Variants in ATP8A1 observed in about 807,000 individuals in gnomAD.
The protein encoded by ATP8A1 is ATPase phospholipid transporting 8A1.
In ATP8A1, 90 loss-of-function variants were observed where a neutral mutation model predicts 177.7. The observed-to-expected ratio is 0.51, with a 90% CI of 0.43 to 0.60. The LOEUF (loss-of-function observed/expected upper bound fraction) is 0.60. ATP8A1 is among the 20% of genes least tolerant of loss of function. The pLI is 0.00. For missense variants in ATP8A1, 1,072 were observed against 1,392.8 expected (o/e 0.77, Z 3.67); for synonymous variants, 493 against 485.9 (o/e 1.01, Z -0.19).
chr4:42,650,752 T>C (rs1292512996), intron 1 of ATP8A1, among the ~76,000 whole-genome samples: 2 of 152,220 alleles, frequency 1.3e-5, no homozygotes, highest in African/African-American at 4.8e-5. Flanking sequence ...AACCACTGGA[T>C]AGGTATGTGA....
intron 6 of ATP8A1, among the ~76,000 whole-genome samples, chr4:42,595,485 A>C (rs1017237219): frequency 6.6e-5 from 10 of 152,170 alleles, no homozygotes; most frequent in African/African-American, 2.2e-4. Flanking sequence ...GACTAGCTGA[A>C]ACTGGCAAAT....
chr4:42,555,031 C>G (rs556357939), intron 16 of ATP8A1, among the ~76,000 whole-genome samples: 1 of 152,054 alleles, frequency 6.6e-6, no homozygotes, highest in African/African-American at 2.4e-5. Context: ...GTGCAGATGG[C>G]CTATTGTGGG....
intron 30 of ATP8A1, among the ~76,000 whole-genome samples, chr4:42,449,196 C>G (rs1284103361): frequency 3.3e-5 from 5 of 152,178 alleles, no homozygotes; most frequent in Non-Finnish European, 7.3e-5. Flanking sequence ...TGGTTCAATC[C>G]AGAAGGCACC....
chr4:42,456,867 G>A (rs539385009), intron 27 of ATP8A1, among the ~76,000 whole-genome samples: 4 of 152,138 alleles, frequency 2.6e-5, no homozygotes, highest in African/African-American at 4.8e-5. Context: ...ATGGAAGCAT[G>A]AATTACTACA....
intron 6 of ATP8A1, among the ~76,000 whole-genome samples, chr4:42,596,393 G>A (rs1290638339): frequency 6.6e-6 from 1 of 152,096 alleles, no homozygotes; most frequent in Non-Finnish European, 1.5e-5. Context: ...CTATTAGCTG[G>A]GCATGGTGGC....
chr4:42,468,812 T>TA (rs1720093705), intron 25 of ATP8A1, among the ~76,000 whole-genome samples: 3 of 152,100 alleles, frequency 2.0e-5, no homozygotes, highest in Admixed American at 2.0e-4. Flanking sequence ...CCTATGGAAA[T>TA]AAAAAATTAA....
chr4:42,646,499 A>G (rs1740551433), intron 1 of ATP8A1, among the ~76,000 whole-genome samples: 1 of 152,260 alleles, frequency 6.6e-6, no homozygotes, highest in Non-Finnish European at 1.5e-5. Context: ...CTTCAGGACC[A>G]GAATTAACCA....
chr4:42,468,423 T>C (rs1474782913), intron 25 of ATP8A1, among the ~76,000 whole-genome samples: 1 of 117,794 alleles, frequency 8.5e-6, no homozygotes, highest in East Asian at 2.3e-4. Flanking sequence ...ATATTTTATA[T>C]ATTTTATACA....
intron 19 of ATP8A1, among the ~76,000 whole-genome samples, chr4:42,547,659 T>C (rs1407560514): frequency 6.6e-6 from 1 of 152,216 alleles, no homozygotes; most frequent in African/African-American, 2.4e-5. Flanking sequence ...GGAGTGCACT[T>C]TGAAAATACT....
chr4:42,548,450 G>A (rs536048123), intron 19 of ATP8A1, among the ~76,000 whole-genome samples: 3 of 152,256 alleles, frequency 2.0e-5, no homozygotes, highest in South Asian at 4.1e-4. Flanking sequence ...TATTTATGGG[G>A]TATATGTGAT....
chr4:42,633,728 C>A (rs7658526), intron 1 of ATP8A1, among the ~76,000 whole-genome samples: 7 of 152,120 alleles, frequency 4.6e-5, no homozygotes, highest in African/African-American at 1.4e-4. Context: ...ATGCCTGGCA[C>A]GTAGTAAGAG....
chr4:42,656,720 C>A, intron 1 of ATP8A1, 105 bp downstream of exon 1: 2 of 1,311,026 alleles, frequency 1.5e-6, no homozygotes, highest in Non-Finnish European at 2.0e-6. Flanking sequence ...CGGACTGCCG[C>A]CGGGGAAGAG....
chr4:42,456,999 C>T (rs956148757), intron 27 of ATP8A1, among the ~76,000 whole-genome samples: 24 of 152,230 alleles, frequency 1.6e-4, no homozygotes, highest in Admixed American at 1.6e-3. Context: ...CTAATGTCTG[C>T]TTTATGAGAT....
chr4:42,437,853 G>C (rs183669390), intron 33 of ATP8A1, among the ~76,000 whole-genome samples: 44 of 152,270 alleles, frequency 2.9e-4, no homozygotes, highest in Admixed American at 1.8e-3. Context: ...AGATATTTGA[G>C]GAATAGCTTT....
At chr4:42,561,615 G>A (rs1376851586) in intron 15 of ATP8A1, 1 of 152,234 alleles carries the variant, frequency 6.6e-6, no homozygotes, top group Non-Finnish European at 1.5e-5. Flanking sequence ...ATTGGATGAG[G>A]TCTGTCTCTA....
At chr4:42,526,328 T>C (rs756936337) in intron 20 of ATP8A1, among the ~76,000 whole-genome samples, 1 of 152,146 alleles carries the variant, frequency 6.6e-6, no homozygotes. Flanking sequence ...ACATGAAAAA[T>C]GAATAAACAT....
intron 30 of ATP8A1, among the ~76,000 whole-genome samples, chr4:42,450,794 C>T (rs374305398): frequency 1.1e-4 from 17 of 152,302 alleles, no homozygotes; most frequent in East Asian, 1.9e-4. Flanking sequence ...GTGAATGCAA[C>T]GAAACTACTA....
intron 33 of ATP8A1, among the ~76,000 whole-genome samples, chr4:42,424,183 T>C (rs963054798): frequency 2.6e-5 from 4 of 152,082 alleles, no homozygotes; most frequent in African/African-American, 9.7e-5. Flanking sequence ...ATATCTTGTA[T>C]GTAAAAGCCA....
chr4:42,427,280 T>C (rs1714733810), intron 33 of ATP8A1, among the ~76,000 whole-genome samples: 1 of 152,222 alleles, frequency 6.6e-6, no homozygotes, highest in Non-Finnish European at 1.5e-5. Context: ...ATACATGAAA[T>C]TCTGGGTTAA....
Sources: gnomAD v4.1 joint callset for allele counts (sites outside exome capture counted in the v4.1 genomes callset) on GRCh38, gnomAD v4.1.1 for gene constraint, MANE v1.5 for transcripts, NCBI Gene and HGNC (gene_info 2026-07-23, HGNC 2026-07-21) for gene names.